Variants in ZNF469 observed in about 807,000 individuals in gnomAD.
The protein encoded by ZNF469 is zinc finger protein 469.
A neutral mutation model predicts 1.0 loss-of-function variants in ZNF469; 1 was observed. The ratio of observed to expected loss-of-function variants is 1.00; its 90% CI spans 0.35 to 4.73. The LOEUF (loss-of-function observed/expected upper bound fraction) is 4.73. Among genes scored for constraint, ZNF469 ranks in the 30% most tolerant of loss-of-function variants. The pLI is 0.16. For synonymous variants in ZNF469, 2,703 were observed against 2,363.4 expected (o/e 1.14, Z -4.17); for missense variants, 6,100 against 5,356.3 (o/e 1.14, Z -4.33).
Position 88,433,834 on chromosome 16 carries a change from C to A in ZNF469, c.6364C>A (p.His2122Asn). 3 of 1,549,882 alleles carry A rather than the reference C, an allele frequency of 1.9e-6. No homozygotes were observed. Among genetic ancestry groups the A allele is most frequent in the Non-Finnish European group, 2.6e-6 (3 of 1,146,784 alleles). The change falls in exon 3 of 3, where the codon CAC becomes AAC. Residue 2122 changes from histidine to asparagine, a missense_variant. Transcript: ENST00000565624. The part of the protein sequence containing the change: ...ACAPSPTSAA[H>N]MPCSLGPLPR... ...CGCCCCCTCACCCACTTCAGCCGCC[C>A]ACATGCCCTGCAGCCTTGGGCCCCT...
chr16:88,135,484 G>A, the ZNF469 span, among the ~76,000 whole-genome samples: 18 of 152,212 alleles, frequency 1.2e-4, no homozygotes, highest in Admixed American at 3.3e-4. Flanking sequence ...GCTGCTTCCC[G>A]GGCAGGGGCC....
At chr16:88,328,033 C>T in the ZNF469 span, among the ~76,000 whole-genome samples, 4 of 152,218 alleles carry the variant, frequency 2.6e-5, no homozygotes, top group South Asian at 6.2e-4. Flanking sequence ...CAGCAGCTCC[C>T]GGCACACACG....
intron 1 of ZNF469, among the ~76,000 whole-genome samples, chr16:88,412,325 G>A (rs987199357): frequency 3.9e-5 from 6 of 152,162 alleles, no homozygotes; most frequent in Non-Finnish European, 8.8e-5. Context: ...ACAGCCTGCT[G>A]TGTGACTGCA....
the ZNF469 span, among the ~76,000 whole-genome samples, chr16:88,129,504 C>T: frequency 3.3e-5 from 5 of 152,080 alleles, no homozygotes; most frequent in Admixed American, 6.5e-5. Flanking sequence ...AATCTGGGGT[C>T]CTACCCTCTT....
the ZNF469 span, among the ~76,000 whole-genome samples, chr16:88,262,130 G>A: frequency 6.6e-6 from 1 of 152,178 alleles, no homozygotes; most frequent in South Asian, 2.1e-4. The surrounding 1 kb of genome is among the most constrained non-coding windows in gnomAD (Gnocchi z 4.3). Flanking sequence ...CTGGATTGTA[G>A]AGACTATGTC....
At chr16:88,342,652 C>T in the ZNF469 span, among the ~76,000 whole-genome samples, 36 of 152,226 alleles carry the variant, frequency 2.4e-4, no homozygotes, top group Admixed American at 2.4e-3. Flanking sequence ...AGCCTTTTCC[C>T]TGTAACTTGG....
the ZNF469 span, among the ~76,000 whole-genome samples, chr16:88,227,581 C>G: frequency 4.1e-3 from 612 of 148,644 alleles, 16 homozygotes; most frequent in Admixed American, 0.037. Flanking sequence ...CTGGCCCCCC[C>G]CTTCTCCCTC....
At chr16:88,190,448 C>G in the ZNF469 span, among the ~76,000 whole-genome samples, 1 of 152,248 alleles carries the variant, frequency 6.6e-6, no homozygotes, top group Non-Finnish European at 1.5e-5. Context: ...GTTTGTGAAA[C>G]TAGTGGAGGT....
intron 1 of ZNF469, among the ~76,000 whole-genome samples, chr16:88,399,104 G>A (rs186061760): frequency 3.3e-5 from 5 of 152,342 alleles, no homozygotes; most frequent in East Asian, 3.9e-4. Flanking sequence ...TTGGCGCTTC[G>A]GCAGGTCTCA....
In ZNF469 at chr16:88,419,874, C is replaced by T. The variant is rs572466957; in HGVS notation, c.-191-4933C>T. On this transcript the variant is annotated intron_variant, in intron 1 of 2. Transcript: ENST00000565624. Reference sequence around the variant, plus strand: ...AGCTGGGATTGAGCCAGGCAGGACTCGGGGGCCTGTGGGGCTCACGCAATG... The same window carrying T: ...AGCTGGGATTGAGCCAGGCAGGACTTGGGGGCCTGTGGGGCTCACGCAATG... Among the ~76,000 whole-genome samples the T allele has an allele frequency of 1.6e-3, 246 of 152,366 alleles. 4 individuals carry two copies. Among genetic ancestry groups the T allele is most frequent in the Non-Finnish European group, 1.2e-4 (8 of 68,032 alleles).
the ZNF469 span, among the ~76,000 whole-genome samples, chr16:88,106,413 C>T: frequency 1.3e-5 from 2 of 152,236 alleles, no homozygotes; most frequent in African/African-American, 4.8e-5. Flanking sequence ...ACCCTGTCTA[C>T]TCTTGTGTTC....
chr16:88,213,644 GCCT>G, the ZNF469 span, among the ~76,000 whole-genome samples: 11 of 152,108 alleles, frequency 7.2e-5, no homozygotes, highest in Non-Finnish European at 5.9e-5. Context: ...TCCAAAGGGT[GCCT>G]CCTCCTCCTC....
At chr16:88,219,852 C>T in the ZNF469 span, among the ~76,000 whole-genome samples, 1 of 152,178 alleles carries the variant, frequency 6.6e-6, no homozygotes, top group Non-Finnish European at 1.5e-5. Context: ...TCCTCTGTCC[C>T]CAGAAGTGGC....
At chr16:88,401,665 G>GGATGGATA (rs1231598343) in intron 1 of ZNF469, among the ~76,000 whole-genome samples, 44 of 143,522 alleles carry the variant, frequency 3.1e-4, no homozygotes, top group East Asian at 5.9e-4. Context: ...ATGGGTAGAT[G>GGATGGATA]GATGGGTGAG....
At chr16:88,374,971 C>T in the ZNF469 span, among the ~76,000 whole-genome samples, 8 of 152,278 alleles carry the variant, frequency 5.3e-5, no homozygotes, top group East Asian at 7.7e-4. Context: ...CACAAGGCTC[C>T]GGGAAAACAC....
chr16:88,262,890 G>A, the ZNF469 span, among the ~76,000 whole-genome samples: 1 of 152,188 alleles, frequency 6.6e-6, no homozygotes, highest in African/African-American at 2.4e-5. The surrounding 1 kb of genome is among the most constrained non-coding windows in gnomAD (Gnocchi z 4.3). Context: ...GCGTCCTGTG[G>A]TGGCGTGACC....
the ZNF469 span, among the ~76,000 whole-genome samples, chr16:88,163,881 T>A: frequency 7.2e-6 from 1 of 139,460 alleles, no homozygotes; most frequent in Middle Eastern, 3.6e-3. Flanking sequence ...AGTGGATGAA[T>A]GGATGGGTAG....
chr16:88,366,067 T>A, the ZNF469 span, among the ~76,000 whole-genome samples: 5 of 151,170 alleles, frequency 3.3e-5, no homozygotes, highest in Non-Finnish European at 5.9e-5. Flanking sequence ...TGCTGATAAA[T>A]GTGAGGCCAC....
chr16:88,183,108 A>C, the ZNF469 span, among the ~76,000 whole-genome samples: 134 of 152,370 alleles, frequency 8.8e-4, no homozygotes, highest in African/African-American at 3.2e-3. Context: ...ATAATACCTA[A>C]GATGTTTAAC....
Sources: gnomAD v4.1 joint callset for allele counts (sites outside exome capture counted in the v4.1 genomes callset) on GRCh38, gnomAD v4.1.1 for gene constraint, Gnocchi (gnomAD v3.1) non-coding constraint, MANE v1.5 for transcripts, NCBI Gene and HGNC (gene_info 2026-07-23, HGNC 2026-07-21) for gene names.